Variants in TOP6BL observed in about 807,000 individuals in gnomAD.
The protein encoded by TOP6BL is type 2 DNA topoisomerase 6 subunit B-like.
chr11:66,798,939 G>T, the TOP6BL span, among the ~76,000 whole-genome samples: 1 of 152,124 alleles, frequency 6.6e-6, no homozygotes, highest in East Asian at 1.9e-4. Flanking sequence ...GGGCACAGTG[G>T]CTCACGCCTG....
At chr11:66,801,104 T>A in the TOP6BL span, 3 of 1,612,812 alleles carry the variant, frequency 1.9e-6, no homozygotes, top group Non-Finnish European at 2.5e-6. Flanking sequence ...TTATGTGAGG[T>A]GAAGGCGTAA....
At chr11:66,842,164 C>T in the TOP6BL span, among the ~76,000 whole-genome samples, 17 of 152,320 alleles carry the variant, frequency 1.1e-4, no homozygotes, top group African/African-American at 4.1e-4. Flanking sequence ...GACTGAGCCA[C>T]TGCACTCCAG....
chr11:66,841,977 C>T, the TOP6BL span, among the ~76,000 whole-genome samples: 35 of 152,206 alleles, frequency 2.3e-4, no homozygotes, highest in Admixed American at 2.0e-3. Context: ...CTTTGGGGAG[C>T]TGGGGCGGGA....
At chr11:66,824,419 AT>A in the TOP6BL span, among the ~76,000 whole-genome samples, 1 of 112,304 alleles carries the variant, frequency 8.9e-6, no homozygotes, top group Non-Finnish European at 1.8e-5. Context: ...CTAATTTTGT[AT>A]TTATTATTAT....
At chr11:66,745,925 C>T in the TOP6BL span, among the ~76,000 whole-genome samples, 1 of 152,208 alleles carries the variant, frequency 6.6e-6, no homozygotes, top group South Asian at 2.1e-4. Flanking sequence ...ATTCTCCTGT[C>T]TCAGCCTCCC....
chr11:66,754,918 A>C, the TOP6BL span, among the ~76,000 whole-genome samples: 1 of 152,082 alleles, frequency 6.6e-6, no homozygotes, highest in South Asian at 2.1e-4. Context: ...GATTTATTTA[A>C]ATTCATTTTT....
the TOP6BL span, chr11:66,762,284 G>C: frequency 2.2e-6 from 1 of 462,054 alleles, no homozygotes; most frequent in African/African-American, 2.1e-5. Flanking sequence ...AAGGGCGGGC[G>C]CACAGCCGGG....
chr11:66,783,914 C>A, the TOP6BL span, among the ~76,000 whole-genome samples: 1 of 152,204 alleles, frequency 6.6e-6, no homozygotes, highest in African/African-American at 2.4e-5. Flanking sequence ...CAGCCTCTAC[C>A]TCCTGGCCTG....
At chr11:66,837,733 C>T in the TOP6BL span, among the ~76,000 whole-genome samples, 1 of 152,232 alleles carries the variant, frequency 6.6e-6, no homozygotes, top group Non-Finnish European at 1.5e-5. Context: ...GCATGAGCCA[C>T]CGCGCCTGGC....
chr11:66,819,036 A>C, the TOP6BL span, among the ~76,000 whole-genome samples: 1 of 152,214 alleles, frequency 6.6e-6, no homozygotes, highest in Non-Finnish European at 1.5e-5. Flanking sequence ...GCCTCTGAAG[A>C]AGATGCACAG....
chr11:66,843,309 G>A, the TOP6BL span: 5 of 1,552,558 alleles, frequency 3.2e-6, no homozygotes, highest in East Asian at 7.1e-5. Flanking sequence ...TAATAAAGCT[G>A]CCGCGCGCTC....
chr11:66,836,087 G>A, the TOP6BL span, among the ~76,000 whole-genome samples: 1 of 152,186 alleles, frequency 6.6e-6, no homozygotes, highest in African/African-American at 2.4e-5. Context: ...TCTAGTGCAT[G>A]TGAAGTAATT....
the TOP6BL span, among the ~76,000 whole-genome samples, chr11:66,760,879 G>T: frequency 6.6e-6 from 1 of 151,930 alleles, no homozygotes; most frequent in Non-Finnish European, 1.5e-5. Context: ...AAATGTTTAT[G>T]AAATGTATTA....
chr11:66,813,499 C>T, the TOP6BL span, among the ~76,000 whole-genome samples: 1 of 152,072 alleles, frequency 6.6e-6, no homozygotes, highest in Non-Finnish European at 1.5e-5. Context: ...CTTTGGGAGG[C>T]CGAGGTGGGC....
the TOP6BL span, chr11:66,748,619 G>T: frequency 1.1e-6 from 1 of 925,602 alleles, no homozygotes; most frequent in African/African-American, 1.7e-5. Flanking sequence ...GTTATTCCAG[G>T]ATTGTTCCAT....
the TOP6BL span, among the ~76,000 whole-genome samples, chr11:66,819,717 A>G: frequency 3.9e-5 from 6 of 152,112 alleles, no homozygotes; most frequent in Admixed American, 1.3e-4. Context: ...AGTCTGGCCA[A>G]CATGGCGAAA....
At chr11:66,843,512 G>A in the TOP6BL span, 4 of 1,495,662 alleles carry the variant, frequency 2.7e-6, no homozygotes, top group Non-Finnish European at 3.5e-6. Context: ...GGCCGGAGCG[G>A]CCGCCCGAGT....
the TOP6BL span, chr11:66,788,063 A>G: frequency 5.1e-6 from 4 of 780,914 alleles, no homozygotes; most frequent in Non-Finnish European, 8.6e-6. Flanking sequence ...CATCAGGGAA[A>G]AGCCTTCTTG....
chr11:66,758,046 G>C, the TOP6BL span: 1 of 712,748 alleles, frequency 1.4e-6, no homozygotes, highest in South Asian at 6.3e-5. Context: ...ATTTTCTGAG[G>C]GATAGATATA....
Sources: allele counts gnomAD v4.1 joint callset (sites outside exome capture counted in the v4.1 genomes callset), GRCh38; gene constraint gnomAD v4.1.1; transcripts MANE v1.5; gene names NCBI Gene and HGNC (gene_info 2026-07-23, HGNC 2026-07-21).